DKK4: variants seen among roughly 807,000 people sequenced by gnomAD.
DKK4 encodes the protein dickkopf Wnt signaling pathway inhibitor 4.
A neutral mutation model predicts 14.5 loss-of-function variants in DKK4; 15 were observed. The ratio of observed to expected loss-of-function variants is 1.03; its 90% CI spans 0.69 to 1.59. DKK4 has a LOEUF of 1.59. Ranked by LOEUF, DKK4 falls within the 40% of genes most tolerant of loss-of-function variation. The pLI is 0.00. For synonymous variants in DKK4, 89 were observed against 105.2 expected, an observed-to-expected ratio of 0.85 and a Z score of 0.94; for missense variants, 272 against 280.3, an observed-to-expected ratio of 0.97 and a Z score of 0.21.
chr8:42,384,986 G>A, the DKK4 span, among the ~76,000 whole-genome samples: 1 of 152,230 alleles, frequency 6.6e-6, no homozygotes, highest in Non-Finnish European at 1.5e-5. Flanking sequence ...ACTAGGAAGT[G>A]ACTGAGACTA....
In DKK4 at chr8:42,375,664, G is replaced by C; in HGVS notation, c.262+16C>G. The C allele has an allele frequency of 6.2e-7, 1 of 1,612,578 alleles. No individual in the cohort carries two copies. Among genetic ancestry groups the C allele is most frequent in the Non-Finnish European group, 8.5e-7 (1 of 1,179,978 alleles). On this transcript the variant is annotated intron_variant, in intron 2 of 3. Coordinates refer to ENST00000220812, the MANE Select transcript of DKK4 (RefSeq NM_014420.3). ...ACCTTCGGTTTAAAAACCACTGTTG[G>C]CGTTATGTCGCTCACCGTTCACACA...
upstream of DKK4, among the ~76,000 whole-genome samples, chr8:42,381,022 A>G (rs1824671466): frequency 6.6e-6 from 1 of 152,150 alleles, no homozygotes; most frequent in South Asian, 2.1e-4. Context: ...TGGTGGCAGT[A>G]TGGTGCTTAG....
chr8:42,389,678 A>T, the DKK4 span, among the ~76,000 whole-genome samples: 8 of 152,264 alleles, frequency 5.3e-5, no homozygotes, highest in South Asian at 1.0e-3. Flanking sequence ...AAAATTTTAA[A>T]CTCAGTGGAA....
chr8:42,375,817 A>C lies in DKK4; in HGVS notation c.125T>G (p.Leu42Arg), dbSNP rs1824550370. Residue 42 changes from leucine (L) to arginine (R), a missense_variant, in exon 2 of 4, where the codon CTG becomes CGG. Transcript: ENST00000220812. ...LHGARKGSQC[L>R]SDTDCNTRKF... Reference sequence around the variant, plus strand: ...TCTGGTATTGCAGTCCGTGTCAGACAGGCACTGTGAGCCCTGTGGAGGGAA... The same window carrying C: ...TCTGGTATTGCAGTCCGTGTCAGACCGGCACTGTGAGCCCTGTGGAGGGAA... The C allele has an allele frequency of 9.3e-6, 15 of 1,614,052 alleles. No homozygotes were observed. Among genetic ancestry groups the C allele is most frequent in the Middle Eastern group, 1.7e-4 (1 of 6,056 alleles).
chr8:42,383,884 C>T, the DKK4 span, among the ~76,000 whole-genome samples: 22 of 152,118 alleles, frequency 1.4e-4, no homozygotes, highest in Admixed American at 9.2e-4. Context: ...CAGAGGTTGC[C>T]GTGAGCCAAG....
intron 2 of DKK4, among the ~76,000 whole-genome samples, chr8:42,375,196 T>TC (rs1217339295): frequency 6.6e-6 from 1 of 152,158 alleles, no homozygotes; most frequent in Non-Finnish European, 1.5e-5. Context: ...AATCATTATC[T>TC]CCAAGTCATT....
At chr8:42,385,039 G>A in the DKK4 span, among the ~76,000 whole-genome samples, 2 of 152,202 alleles carry the variant, frequency 1.3e-5, no homozygotes, top group African/African-American at 4.8e-5. Context: ...ACATAGCTGT[G>A]TGTGGTATGG....
chr8:42,390,996 G>T, the DKK4 span, among the ~76,000 whole-genome samples: 2 of 152,152 alleles, frequency 1.3e-5, no homozygotes, highest in East Asian at 3.9e-4. Context: ...TTATTATCAT[G>T]GTGGTTCCAA....
intron 3 of DKK4, 141 bp from the exon 4 acceptor site, chr8:42,374,500 A>G (rs1824519587): frequency 1.7e-5 from 20 of 1,201,378 alleles, no homozygotes; most frequent in Non-Finnish European, 2.4e-5. Context: ...TCACAGAGCT[A>G]GGTGTTACGC....
the DKK4 span, among the ~76,000 whole-genome samples, chr8:42,389,973 C>T: frequency 7.2e-6 from 1 of 139,720 alleles, no homozygotes; most frequent in Non-Finnish European, 1.5e-5. Flanking sequence ...CTCACTGCAA[C>T]GTCCACCTCC....
the DKK4 span, among the ~76,000 whole-genome samples, chr8:42,382,251 A>G: frequency 6.6e-6 from 1 of 152,180 alleles, no homozygotes; most frequent in Non-Finnish European, 1.5e-5. Flanking sequence ...TTTTGGGAAC[A>G]TGACATTTGG....
chr8:42,375,806 C>A lies in DKK4; in HGVS notation c.136G>T (p.Asp46Tyr), dbSNP rs201742431. ...AGGCAGAACTTTCTGGTATTGCAGT[C>A]CGTGTCAGACAGGCACTGTGAGCCC... ...RKGSQCLSDT[D>Y]CNTRKFCLQP... is the part of the protein sequence containing the mutation. Residue 46 changes from aspartate to tyrosine, a missense_variant, in exon 2 of 4, where the codon GAC becomes TAC. By Grantham distance (160) the Asp-to-Tyr change is radical (BLOSUM62 -3). Transcript: ENST00000220812. 29 of 1,614,058 alleles carry A rather than the reference C, an allele frequency of 1.8e-5. No individual in the cohort carries two copies. The East Asian group carries it at 3.8e-4, about 21-fold the overall frequency.
At chr8:42,379,402 GAGAGAGAGAGAGAGAGAGAGAGAGAA>G (rs1194284589), upstream of DKK4, among the ~76,000 whole-genome samples, 2 of 123,098 alleles carry the variant, frequency 1.6e-5, no homozygotes, top group Non-Finnish European at 3.5e-5. Context: ...GAGAGAGAGA[GAGAGAGAGAGAGAGAGAGAGAGAGAA>G]AGATTCAGAC....
At chr8:42,375,599 G>A in intron 2 of DKK4, 81 bp downstream of exon 2, 1 of 1,544,384 alleles carries the variant, frequency 6.5e-7, no homozygotes, top group East Asian at 2.3e-5. Flanking sequence ...ATTAGAGAGT[G>A]CCTACCCTGG....
In DKK4 at chr8:42,377,134, C is replaced by T. The variant is rs79442709; in HGVS notation, c.-89G>A. ...CACCCAGAGCAGAGCTTCCACTAAGCTGGCAGCTCAGCACGTCGTCTGTTT... is the reference window on the plus strand; with the variant it reads ...CACCCAGAGCAGAGCTTCCACTAAGTTGGCAGCTCAGCACGTCGTCTGTTT... On this transcript the variant is annotated 5_prime_UTR_variant, in exon 1 of 4. Transcript: ENST00000220812. 36,715 of 1,040,192 alleles carry T rather than the reference C, an allele frequency of 0.035. 807 individuals carry two copies. Among genetic ancestry groups the T allele is most frequent in the Non-Finnish European group, 0.042 (29,720 of 702,390 alleles). The allele number at this position is 1,040,192 out of a possible 1,614,324, so 64.4% of individuals were successfully genotyped here.
upstream of DKK4, among the ~76,000 whole-genome samples, chr8:42,379,387 A>G (rs1352038530): frequency 1.2e-3 from 55 of 46,604 alleles, 2 homozygotes; most frequent in Admixed American, 6.5e-3. Flanking sequence ...ATAGAGAGAG[A>G]GAGAGAGAGA....
At chr8:42,386,965 C>T in the DKK4 span, among the ~76,000 whole-genome samples, 1 of 152,294 alleles carries the variant, frequency 6.6e-6, no homozygotes, top group East Asian at 1.9e-4. Flanking sequence ...CTGAACGAGG[C>T]CACAGGGGGT....
chr8:42,377,117 G>T lies in DKK4; in HGVS notation c.-72C>A. 1 of 1,288,940 alleles carries T rather than the reference G, an allele frequency of 7.8e-7. No homozygotes were observed. The highest frequency in any genetic ancestry group is 1.1e-6 in the Non-Finnish European group (1 of 918,938). The allele number at this position is 1,288,940 out of a possible 1,614,324, so 79.8% of individuals were successfully genotyped here. A position where few individuals can be genotyped will look rare whatever the true frequency, so the allele number is the denominator to read the frequency against. ...AAAGCGAGGCTGCTCTCCACCCAGA[G>T]CAGAGCTTCCACTAAGCTGGCAGCT... On this transcript the variant is annotated 5_prime_UTR_variant, in exon 1 of 4. Coordinates refer to ENST00000220812, the MANE Select transcript of DKK4 (RefSeq NM_014420.3).
At chr8:42,385,081 A>G in the DKK4 span, among the ~76,000 whole-genome samples, 1 of 152,192 alleles carries the variant, frequency 6.6e-6, no homozygotes, top group Non-Finnish European at 1.5e-5. Flanking sequence ...AAAACAACTT[A>G]GTAATTACTT....
Sources: gnomAD v4.1 joint callset for allele counts (sites outside exome capture counted in the v4.1 genomes callset) on GRCh38, gnomAD v4.1.1 for gene constraint, MANE v1.5 for transcripts, NCBI Gene and HGNC (gene_info 2026-07-23, HGNC 2026-07-21) for gene names.